GHR: variants seen among roughly 807,000 people sequenced by gnomAD.
GHR encodes the protein GH receptor.
Under a neutral mutation model 67.1 loss-of-function variants are expected in GHR, and 35 were observed. The observed-to-expected ratio is 0.52, with a 90% confidence interval of 0.40 to 0.69. GHR has a LOEUF of 0.69. Ranked by LOEUF, GHR falls within the 30% of genes least tolerant of loss-of-function variation. GHR has a pLI of 0.00. For synonymous variants in GHR, 272 were observed against 269.1 expected (o/e 1.01, Z -0.10); for missense variants, 792 against 764.6 (o/e 1.04, Z -0.42).
In GHR at chr5:42,489,878, G is replaced by T. The variant is rs117271978; in HGVS notation, c.-12+65923G>T. ...TTGGATATAGCCAGCTGAATAAACT[G>T]CCCTTTCTAGTTAACTTTGAACTCT... On this transcript the variant is annotated intron_variant, in intron 1 of 9. Transcript: ENST00000230882. Among the ~76,000 whole-genome samples, 31 of 152,074 alleles carry T rather than the reference G, an allele frequency of 2.0e-4. No homozygotes were observed. In the East Asian group the frequency reaches 5.0e-3, roughly 25 times the overall value.
chr5:42,633,419 T>G (rs1407769385), intron 3 of GHR, among the ~76,000 whole-genome samples: 2 of 152,208 alleles, frequency 1.3e-5, no homozygotes, highest in Non-Finnish European at 2.9e-5. Context: ...ATGCTAGAAG[T>G]TCACAAACAT....
intron 3 of GHR, among the ~76,000 whole-genome samples, chr5:42,652,629 A>G (rs1055160056): frequency 6.6e-6 from 1 of 152,182 alleles, no homozygotes; most frequent in Non-Finnish European, 1.5e-5. Context: ...CCACTTGAAA[A>G]TATTATCAAG....
At chr5:42,470,204 TA>T (rs1035083706) in intron 1 of GHR, among the ~76,000 whole-genome samples, 2 of 147,796 alleles carry the variant, frequency 1.4e-5, no homozygotes, top group African/African-American at 4.9e-5. Flanking sequence ...ATTATATCTA[TA>T]ACATAATATA....
intron 1 of GHR, among the ~76,000 whole-genome samples, chr5:42,516,512 G>T (rs1747245179): frequency 6.6e-6 from 1 of 152,072 alleles, no homozygotes; most frequent in South Asian, 2.1e-4. Context: ...CTGCTTCTTA[G>T]GGTTGTGTGT....
intron 3 of GHR, among the ~76,000 whole-genome samples, chr5:42,655,803 A>G (rs1755227173): frequency 6.6e-6 from 1 of 152,100 alleles, no homozygotes; most frequent in African/African-American, 2.4e-5. Flanking sequence ...TCTTAACAGC[A>G]GTAGGAGTAG....
rs140532204 is a variant in GHR, at chr5:42,549,202, T to C, written c.-11-16662T>C. 5.1e-3 allele frequency among the ~76,000 whole-genome samples: 776 copies of C among 152,330 alleles called. 4 individuals are homozygous for C. Among genetic ancestry groups the C allele is most frequent in the African/African-American group, 0.017 (727 of 41,572 alleles). Reference sequence around the variant, plus strand: ...GCATGCCTGATTAAAACCCATCCCATAATGCCTGATGTGATGGGAACCACC... The same window carrying C: ...GCATGCCTGATTAAAACCCATCCCACAATGCCTGATGTGATGGGAACCACC... On this transcript the variant is annotated intron_variant, in intron 1 of 9. Coordinates refer to ENST00000230882, the MANE Select transcript of GHR (RefSeq NM_000163.5).
intron 2 of GHR, among the ~76,000 whole-genome samples, chr5:42,608,454 A>G (rs1203907775): frequency 3.3e-5 from 5 of 152,082 alleles, no homozygotes; most frequent in Admixed American, 3.3e-4. Flanking sequence ...ATAGCATAGA[A>G]TGAAAGTATA....
At chr5:42,577,162 G>A (rs911021625) in intron 2 of GHR, among the ~76,000 whole-genome samples, 6 of 152,214 alleles carry the variant, frequency 3.9e-5, no homozygotes, top group Non-Finnish European at 8.8e-5. Context: ...GGAAGTACAT[G>A]GAAATGTATG....
intron 1 of GHR, among the ~76,000 whole-genome samples, chr5:42,534,656 T>G (rs1748175563): frequency 6.6e-6 from 1 of 152,024 alleles, no homozygotes; most frequent in African/African-American, 2.4e-5. Flanking sequence ...TAATGACTTC[T>G]TTCCTCTGGG....
At chr5:42,708,777 G>A (rs1443965888) in intron 6 of GHR, among the ~76,000 whole-genome samples, 1 of 152,182 alleles carries the variant, frequency 6.6e-6, no homozygotes, top group African/African-American at 2.4e-5. Context: ...GTACTTGTGA[G>A]CATGTAACTT....
At chr5:42,446,094 A>G (rs1472698911) in intron 1 of GHR, among the ~76,000 whole-genome samples, 1 of 152,216 alleles carries the variant, frequency 6.6e-6, no homozygotes, top group Admixed American at 6.5e-5. Context: ...CCTGTGTTCC[A>G]TATTGAAGGC....
rs1579677778 is a variant in GHR, at chr5:42,718,897, G to T, written c.1390G>T (p.Ala464Ser). ...ACCACAACCACTTCCTACTGAAGGAGCTGAGTCAACTCACCAAGCTGCCCA... is the reference window on the plus strand; with the variant it reads ...ACCACAACCACTTCCTACTGAAGGATCTGAGTCAACTCACCAAGCTGCCCA... ...NKPQPLPTEG[A>S]ESTHQAAHIQ... The change falls in exon 10 of 10, where the codon GCT becomes TCT. Residue 464 changes from alanine (A) to serine (S), a missense_variant. Ala to Ser is a moderately conservative substitution (Grantham distance 99, BLOSUM62 1). Transcript: ENST00000230882. The T allele has an allele frequency of 1.9e-6, 3 of 1,614,116 alleles. No individual in the cohort carries two copies. The highest frequency in any genetic ancestry group is 2.5e-6 in the Non-Finnish European group (3 of 1,179,998).
intron 1 of GHR, among the ~76,000 whole-genome samples, chr5:42,493,733 G>A (rs548879072): frequency 5.3e-5 from 8 of 152,182 alleles, no homozygotes; most frequent in African/African-American, 9.6e-5. Flanking sequence ...ATTTTTACAC[G>A]TTTAGGCCTG....
At chr5:42,704,313 T>C in intron 6 of GHR, among the ~76,000 whole-genome samples, 1 of 152,040 alleles carries the variant, frequency 6.6e-6, no homozygotes, top group South Asian at 2.1e-4. Context: ...TTGAGATGGT[T>C]CCATGGTTTT....
At chr5:42,613,176 T>TA (rs1752969927) in intron 2 of GHR, among the ~76,000 whole-genome samples, 1 of 152,156 alleles carries the variant, frequency 6.6e-6, no homozygotes, top group Non-Finnish European at 1.5e-5. Context: ...TTGTAATCCA[T>TA]ATAGCTTTCC....
At chr5:42,438,980 G>C (rs1385175027) in intron 1 of GHR, among the ~76,000 whole-genome samples, 3 of 152,060 alleles carry the variant, frequency 2.0e-5, no homozygotes, top group East Asian at 3.9e-4. Flanking sequence ...ACACTGTCCT[G>C]GTCATTTTTA....
chr5:42,502,901 A>C (rs1245394431), intron 1 of GHR, among the ~76,000 whole-genome samples: 1 of 151,348 alleles, frequency 6.6e-6, no homozygotes, highest in Non-Finnish European at 1.5e-5. Context: ...CCATGTGGCT[A>C]GCTGTTGATC....
rs547522055 is a variant in GHR, at chr5:42,617,786, T to C, written c.71-11252T>C. 8.9e-4 allele frequency among the ~76,000 whole-genome samples: 135 copies of C among 152,272 alleles called. 2 individuals carry two copies. The South Asian group carries it at 0.027, about 30-fold the overall frequency. ...GGAGTGGCCGTGTATGGGTTATCAA[T>C]GAGACTTTTGACTTTTTTCTTTATG... On this transcript the variant is annotated intron_variant, in intron 2 of 9. Coordinates refer to ENST00000230882, the MANE Select transcript of GHR (RefSeq NM_000163.5).
In GHR at chr5:42,505,127, T is replaced by G. The variant is rs575537136; in HGVS notation, c.-11-60737T>G. Among the ~76,000 whole-genome samples, 22 of 151,720 alleles carry G rather than the reference T, an allele frequency of 1.5e-4. No homozygotes were observed. The South Asian group carries it at 3.3e-3, about 23-fold the overall frequency. The stretch of plus-strand genomic sequence containing the variant: ...CATGTTGGGAGCTGTTGACTGTTTT[T>G]TTTTTTTTTTCTTTCTTTCTTTTTT... On this transcript the variant is annotated intron_variant, in intron 1 of 9. Transcript: ENST00000230882.
Sources: gnomAD v4.1 joint callset for allele counts (sites outside exome capture counted in the v4.1 genomes callset) on GRCh38, gnomAD v4.1.1 for gene constraint, MANE v1.5 for transcripts, NCBI Gene and HGNC (gene_info 2026-07-23, HGNC 2026-07-21) for gene names.